BLOC1S6: variants seen among roughly 807,000 people sequenced by gnomAD.
BLOC1S6 encodes the protein biogenesis of lysosomal organelles complex 1 subunit 6.
A neutral mutation model predicts 24.7 loss-of-function variants in BLOC1S6; 24 were observed. The observed-to-expected ratio is 0.97, with a 90% confidence interval of 0.70 to 1.37. The LOEUF is 1.37. BLOC1S6 is among the 40% of genes most tolerant of loss of function. The pLI, the probability that BLOC1S6 is intolerant of heterozygous loss-of-function variation, is 0.00. For missense variants in BLOC1S6, 175 were observed against 196.2 expected (o/e 0.89, Z 0.64); for synonymous variants, 76 against 72.6 (o/e 1.05, Z -0.23).
chr15:45,587,433 G>C lies in BLOC1S6; in HGVS notation c.-11G>C, dbSNP rs768155901. The C allele has an allele frequency of 1.3e-6, 2 of 1,571,376 alleles. No homozygotes were observed. Among genetic ancestry groups the C allele is most frequent in the South Asian group, 2.3e-5 (2 of 85,902 alleles). ...CGTTTGCTTCTTCCCTGTGTTCCCA[G>C]CTGGAGGGACATGAGTGTCCCTGGG... is the stretch of plus-strand genomic sequence containing the variant. On this transcript the variant is annotated 5_prime_UTR_variant, in exon 1 of 5. Coordinates refer to ENST00000220531, the MANE Select transcript of BLOC1S6 (RefSeq NM_012388.4).
rs995671179 is a variant in BLOC1S6 at position 45,587,529 on chromosome 15, C to G, written c.82+4C>G. The stretch of plus-strand genomic sequence containing the variant: ...GAGGCCGGGGAGCCGACGCCTGGTA[C>G]GTACTATCGGGTGGGAAGCGCGGCC... On this transcript the variant is annotated splice_donor_region_variant and intron_variant, in intron 1 of 4. Coordinates refer to ENST00000220531, the MANE Select transcript of BLOC1S6 (RefSeq NM_012388.4). 5.1e-6 allele frequency: 8 copies of G among 1,569,814 alleles called. No homozygotes were observed. The highest frequency in any genetic ancestry group is 1.8e-4 in the Middle Eastern group (1 of 5,710).
rs1213485015 is a variant in BLOC1S6 at position 45,587,422 on chromosome 15, C to T, written c.-22C>T. 2 of 1,562,830 alleles carry T rather than the reference C, an allele frequency of 1.3e-6. No homozygotes were observed. The highest frequency in any genetic ancestry group is 1.2e-5 in the South Asian group (1 of 85,128). On this transcript the variant is annotated 5_prime_UTR_variant, in exon 1 of 5. Transcript: ENST00000220531. ...GACGAGCCACACGTTTGCTTCTTCC[C>T]TGTGTTCCCAGCTGGAGGGACATGA... is the stretch of plus-strand genomic sequence containing the variant.
intron 1 of BLOC1S6, among the ~76,000 whole-genome samples, chr15:45,590,650 CG>C (rs1566898783): frequency 6.6e-6 from 1 of 152,078 alleles, no homozygotes; most frequent in East Asian, 1.9e-4. Flanking sequence ...TCAAGTGATC[CG>C]CCCACCTCAG....
chr15:45,589,310 G>A (rs540765154), intron 1 of BLOC1S6, among the ~76,000 whole-genome samples: 5 of 152,324 alleles, frequency 3.3e-5, no homozygotes, highest in African/African-American at 1.2e-4. Context: ...ACAATTTCTG[G>A]AAGGCTCTGT....
intron 2 of BLOC1S6, among the ~76,000 whole-genome samples, chr15:45,594,351 GA>G (rs1243755835): frequency 3.9e-5 from 6 of 152,050 alleles, no homozygotes; most frequent in Non-Finnish European, 7.4e-5. Flanking sequence ...AAGGTTCTGG[GA>G]TCCAGGCCCC....
intron 3 of BLOC1S6, 28 bp from the exon 4 acceptor site, chr15:45,605,400 G>T (rs1044157657): frequency 1.3e-6 from 2 of 1,532,818 alleles, no homozygotes; most frequent in Non-Finnish European, 1.8e-6. Flanking sequence ...ATTTTAACTT[G>T]ACTTTTCATT....
At position 45,606,466 on chromosome 15, in the gene BLOC1S6, G is replaced by A. The variant is rs1158372078; in HGVS notation, c.471G>A (p.Glu157=). 1 of 1,614,022 alleles carries A rather than the reference G, an allele frequency of 6.2e-7. No homozygotes were observed. The highest frequency in any genetic ancestry group is 1.3e-5 in the African/African-American group (1 of 74,906). The part of the protein sequence containing the change: ...ELEREQQREK[E]FEREKQLTAR... ...AAAGGGAGCAGCAACGAGAGAAGGA[G>A]TTTGAAAGAGAAAAGCAGTTAACTG... is the stretch of plus-strand genomic sequence containing the variant. The change falls in exon 5 of 5, where the codon GAG becomes GAA. Residue 157 remains glutamate (E), a synonymous_variant. Transcript: ENST00000220531.
rs1894472553 is a variant in BLOC1S6 at position 45,606,572 on chromosome 15, G to A, written c.*58G>A. On this transcript the variant is annotated 3_prime_UTR_variant, in exon 5 of 5. Transcript: ENST00000220531. ...CCATATTTGGGTTATGATGACTCAA[G>A]TGTAGACTGAAGTTGAGGTAGTGCC... The A allele has an allele frequency of 6.2e-7, 1 of 1,611,924 alleles. No individual in the cohort carries two copies. The highest frequency in any genetic ancestry group is 1.3e-5 in the African/African-American group (1 of 74,858).
intron 1 of BLOC1S6, chr15:45,587,901 A>C: frequency 1.6e-6 from 1 of 606,986 alleles, no homozygotes; most frequent in Non-Finnish European, 2.9e-6. Flanking sequence ...AATATTGACC[A>C]CTCATGAAAT....
intron 2 of BLOC1S6, among the ~76,000 whole-genome samples, chr15:45,593,788 C>T (rs1245258533): frequency 6.6e-6 from 1 of 151,934 alleles, no homozygotes; most frequent in Non-Finnish European, 1.5e-5. Flanking sequence ...ATTATATGTA[C>T]TATATGCCCA....
chr15:45,590,625 C>T (rs1893851060), intron 1 of BLOC1S6, among the ~76,000 whole-genome samples: 1 of 152,096 alleles, frequency 6.6e-6, no homozygotes, highest in South Asian at 2.1e-4. Context: ...CCAGACTGGT[C>T]TCAAACTCCT....
In BLOC1S6 at chr15:45,587,512, G is replaced by A. The variant is rs774804135; in HGVS notation, c.69G>A (p.Gly23=). ...LTRPPYCLEA[G]EPTPGLSDTS... The stretch of plus-strand genomic sequence containing the variant: ...GGCCACCCTACTGCCTGGAGGCCGG[G>A]GAGCCGACGCCTGGTACGTACTATC... Residue 23 remains glycine, a synonymous_variant, in exon 1 of 5, where the codon GGG becomes GGA. Coordinates refer to ENST00000220531, the MANE Select transcript of BLOC1S6 (RefSeq NM_012388.4). The A allele has an allele frequency of 8.9e-6, 14 of 1,575,894 alleles. No homozygotes were observed. Among genetic ancestry groups the A allele is most frequent in the African/African-American group, 1.4e-5 (1 of 74,016 alleles).
intron 1 of BLOC1S6, among the ~76,000 whole-genome samples, chr15:45,590,175 C>T (rs181241372): frequency 4.4e-4 from 65 of 148,772 alleles, no homozygotes; most frequent in Non-Finnish European, 7.5e-4. Flanking sequence ...CTTCACTTTT[C>T]TCTCTCTCTC....
chr15:45,587,182 T>C, upstream of BLOC1S6: 1 of 546,236 alleles, frequency 1.8e-6, no homozygotes, highest in Non-Finnish European at 3.3e-6. Context: ...ACCAATCGGA[T>C]CGCAGGGACT....
chr15:45,606,483 A>C lies in BLOC1S6; in HGVS notation c.488A>C (p.Gln163Pro). The C allele has an allele frequency of 6.2e-7, 1 of 1,614,174 alleles. No homozygotes were observed. The highest frequency in any genetic ancestry group is 1.7e-5 in the Admixed American group (1 of 60,030). ...QREKEFEREK[Q>P]LTARPAKRM ...GAGAAGGAGTTTGAAAGAGAAAAGC[A>C]GTTAACTGCCAGACCAGCCAAAAGG... is the stretch of plus-strand genomic sequence containing the variant. Residue 163 changes from glutamine (Q) to proline (P), a missense_variant, in exon 5 of 5, where the codon CAG becomes CCG. By Grantham distance (76) the Gln-to-Pro change is moderately conservative. Coordinates refer to ENST00000220531, the MANE Select transcript of BLOC1S6 (RefSeq NM_012388.4).
chr15:45,587,517 C>T lies in BLOC1S6; in HGVS notation c.74C>T (p.Pro25Leu). ...CCCTACTGCCTGGAGGCCGGGGAGC[C>T]GACGCCTGGTACGTACTATCGGGTG... ...RPPYCLEAGE[P>L]TPGLSDTSPD... Residue 25 changes from proline (P) to leucine (L), a missense_variant, in exon 1 of 5, where the codon CCG (proline) becomes CTG (leucine). By Grantham distance (98) the Pro-to-Leu change is moderately conservative. Coordinates refer to ENST00000220531, the MANE Select transcript of BLOC1S6 (RefSeq NM_012388.4). 2 of 1,574,184 alleles carry T rather than the reference C, an allele frequency of 1.3e-6. No individual in the cohort carries two copies. Among genetic ancestry groups the T allele is most frequent in the East Asian group, 2.3e-5 (1 of 42,634 alleles).
At chr15:45,602,008 G>C (rs1164769658) in intron 2 of BLOC1S6, among the ~76,000 whole-genome samples, 1 of 152,086 alleles carries the variant, frequency 6.6e-6, no homozygotes, top group Non-Finnish European at 1.5e-5. Flanking sequence ...AGCCTCCCAA[G>C]TAGCTCGGAC....
At chr15:45,600,197 G>A (rs1894222862) in intron 2 of BLOC1S6, among the ~76,000 whole-genome samples, 2 of 111,698 alleles carry the variant, frequency 1.8e-5, no homozygotes, top group African/African-American at 6.9e-5. Flanking sequence ...GGGGGGAGGG[G>A]GGAGGGATAG....
chr15:45,595,786 C>A (rs1174900698), intron 2 of BLOC1S6, among the ~76,000 whole-genome samples: 1 of 152,042 alleles, frequency 6.6e-6, no homozygotes, highest in East Asian at 1.9e-4. Flanking sequence ...TACATTTAGA[C>A]CTATGATTTA....
Sources: gnomAD v4.1 joint callset for allele counts (sites outside exome capture counted in the v4.1 genomes callset) on GRCh38, gnomAD v4.1.1 for gene constraint, MANE v1.5 for transcripts, NCBI Gene and HGNC (gene_info 2026-07-23, HGNC 2026-07-21) for gene names.